The following EIF4G3 variants were observed in gnomAD, a reference collection of about 807,000 sequenced individuals.
EIF4G3 encodes eIF-4-gamma 3.
Under a neutral mutation model 186.4 loss-of-function variants are expected in EIF4G3, and 34 were observed. The observed-to-expected ratio is 0.18, with a 90% CI of 0.14 to 0.24. The LOEUF is 0.24. Ranked by LOEUF, EIF4G3 falls within the 10% of genes least tolerant of loss-of-function variation. The probability of loss-of-function intolerance (pLI) is 1.00; values close to 1 mark genes in which losing one functional copy is unlikely to be tolerated. For missense variants in EIF4G3, 1,536 were observed against 1,948.5 expected (o/e 0.79, Z 3.99); for synonymous variants, 673 against 679.5 (o/e 0.99, Z 0.15).
chr1:21,157,376 GTTTTT>G (rs112805240), intron 2 of EIF4G3, among the ~76,000 whole-genome samples: 1 of 149,704 alleles, frequency 6.7e-6, no homozygotes, highest in Non-Finnish European at 1.5e-5. Context: ...TTTTTTGTTT[GTTTTT>G]TTTTAAGAGA....
chr1:21,056,421 C>T (rs1292286566), intron 3 of EIF4G3, among the ~76,000 whole-genome samples: 1 of 152,172 alleles, frequency 6.6e-6, no homozygotes, highest in Non-Finnish European at 1.5e-5. Context: ...TCCATATTCG[C>T]TTTTAGTGTA....
intron 33 of EIF4G3, among the ~76,000 whole-genome samples, chr1:20,819,069 A>C (rs1314898295): frequency 6.6e-6 from 1 of 152,146 alleles, no homozygotes; most frequent in Non-Finnish European, 1.5e-5. Context: ...ACCCAGCTCC[A>C]TAAGATTTTA....
At chr1:20,891,512 C>T (rs867627564) in intron 18 of EIF4G3, among the ~76,000 whole-genome samples, 1 of 151,886 alleles carries the variant, frequency 6.6e-6, no homozygotes, top group Admixed American at 6.6e-5. Flanking sequence ...GTGGCTCACG[C>T]CTGTCATCCC....
intron 14 of EIF4G3, among the ~76,000 whole-genome samples, chr1:20,923,375 G>A (rs1470065627): frequency 2.0e-5 from 3 of 151,980 alleles, no homozygotes; most frequent in Admixed American, 6.6e-5. Context: ...ATATCTTCTA[G>A]GCCTCTGTTT....
rs1290279316 is a variant in EIF4G3 at position 20,854,020 on chromosome 1, T to C, written c.3434-343A>G. On this transcript the variant is annotated intron_variant, in intron 26 of 36. Coordinates refer to ENST00000602326, the MANE Select transcript of EIF4G3 (RefSeq NM_001391906.1). Reference sequence around the variant, plus strand: ...TGCTCCAATCTCATTTGTGCACAAATATGCATGTGGGTTTTACTGAATAAT... The same window carrying C: ...TGCTCCAATCTCATTTGTGCACAAACATGCATGTGGGTTTTACTGAATAAT... 3.9e-5 allele frequency among the ~76,000 whole-genome samples: 6 copies of C among 152,144 alleles called. No homozygotes were observed. The East Asian group carries it at 1.2e-3, about 29-fold the overall frequency.
rs1285165901 is a variant in EIF4G3 at position 21,038,493 on chromosome 1, A to C, written c.-67+12373T>G. On this transcript the variant is annotated intron_variant, in intron 4 of 36. Coordinates refer to ENST00000602326, the MANE Select transcript of EIF4G3 (RefSeq NM_001391906.1). Reference sequence around the variant, plus strand: ...TTCCCCTCATTTCTCCCACCTTTACATAGTCTCTGGTTTCCTGTCAGTTTC... The same window carrying C: ...TTCCCCTCATTTCTCCCACCTTTACCTAGTCTCTGGTTTCCTGTCAGTTTC... 1.3e-5 allele frequency among the ~76,000 whole-genome samples: 2 copies of C among 152,130 alleles called. 1 individual carries two copies. Among genetic ancestry groups the C allele is most frequent in the South Asian group, 4.1e-4 (2 of 4,822 alleles).
intron 8 of EIF4G3, 76 bp from the exon 9 acceptor site, chr1:20,981,303 C>T (rs1411888917): frequency 5.4e-6 from 5 of 932,110 alleles, no homozygotes; most frequent in African/African-American, 1.7e-5. Flanking sequence ...GTCTCCTTTT[C>T]TTCACTAATA....
intron 16 of EIF4G3, among the ~76,000 whole-genome samples, chr1:20,897,527 A>T (rs1572383921): frequency 1.3e-5 from 2 of 152,026 alleles, no homozygotes; most frequent in Middle Eastern, 6.8e-3. Flanking sequence ...ATCTAAAAAA[A>T]AATCACAGTT....
intron 35 of EIF4G3, among the ~76,000 whole-genome samples, chr1:20,812,584 A>ATGT (rs1290269027): frequency 6.6e-6 from 1 of 152,124 alleles, no homozygotes; most frequent in Non-Finnish European, 1.5e-5. Flanking sequence ...AACTAAAGAG[A>ATGT]TGTCTTCATT....
At chr1:21,161,275 G>A (rs1449109001) in intron 2 of EIF4G3, among the ~76,000 whole-genome samples, 5 of 151,980 alleles carry the variant, frequency 3.3e-5, no homozygotes, top group African/African-American at 7.3e-5. Context: ...AGGCCGAGGC[G>A]GGTGGATCAC....
rs1281630009 is a variant in EIF4G3 at position 20,942,468 on chromosome 1, G to A, written c.824-138C>T. ...CAATATATTAGACTTATTCTGGTAT[G>A]CCAAAAACATTGTCTCTTTTCTTTT... On this transcript the variant is annotated intron_variant, in intron 13 of 36. Coordinates refer to ENST00000602326, the MANE Select transcript of EIF4G3 (RefSeq NM_001391906.1). 6.9e-6 allele frequency: 5 copies of A among 725,466 alleles called. No homozygotes were observed. In the African/African-American group the frequency reaches 7.2e-5, roughly 10 times the overall value. The allele number at this position is 725,466 out of a possible 1,614,324, so 44.9% of individuals were successfully genotyped here. A position where few individuals can be genotyped will look rare whatever the true frequency, so the allele number is the denominator to read the frequency against.
chr1:20,941,898 C>G lies in EIF4G3; in HGVS notation c.1256G>C (p.Ser419Thr). ...GCTCTCCGTGGCTGATAATTTTTCG[C>G]TAACTCCATTTATTTCATTAATTAG... Reference protein sequence around the residue: ...TNLINEINGVSEKLSATESIV... With the variant: ...TNLINEINGVTEKLSATESIV... Residue 419 changes from serine (S) to threonine (T), a missense_variant, in exon 14 of 37, where the codon AGC becomes ACC. Ser to Thr is a moderately conservative substitution (Grantham distance 58). Around this residue, in one of 11 missense-constraint regions of EIF4G3, gnomAD observed 560 missense variants for 547.8 expected, o/e 1.02. Transcript: ENST00000602326. The G allele has an allele frequency of 6.2e-7, 1 of 1,614,184 alleles. No homozygotes were observed.
chr1:20,926,411 A>G (rs528650170), intron 14 of EIF4G3, among the ~76,000 whole-genome samples: 2 of 152,332 alleles, frequency 1.3e-5, no homozygotes, highest in East Asian at 3.9e-4. Context: ...CAGGCATGGT[A>G]GCTCATGCCT....
chr1:20,983,552 CTT>C (rs386629334), intron 7 of EIF4G3, among the ~76,000 whole-genome samples: 2 of 128,962 alleles, frequency 1.6e-5, no homozygotes, highest in East Asian at 2.1e-4. Context: ...CAGGAACAAA[CTT>C]AAGTATTTTT....
intron 19 of EIF4G3, among the ~76,000 whole-genome samples, chr1:20,883,340 C>CG (rs1294668633): frequency 1.3e-5 from 2 of 151,932 alleles, no homozygotes; most frequent in South Asian, 2.1e-4. Flanking sequence ...AAATGAGGGC[C>CG]GGGGGTGGTG....
intron 36 of EIF4G3, among the ~76,000 whole-genome samples, chr1:20,809,980 T>C (rs1207494088): frequency 6.6e-6 from 1 of 152,168 alleles, no homozygotes; most frequent in African/African-American, 2.4e-5. Context: ...AAATTCATTT[T>C]TTTTTTTTTG....
At chr1:20,952,925 A>C (rs1486914619) in intron 12 of EIF4G3, among the ~76,000 whole-genome samples, 3 of 152,238 alleles carry the variant, frequency 2.0e-5, no homozygotes, top group African/African-American at 7.2e-5. Flanking sequence ...CAAAGAAAAA[A>C]TAATGATGAA....
chr1:21,020,781 A>G (rs930707412), intron 4 of EIF4G3, among the ~76,000 whole-genome samples: 3 of 152,198 alleles, frequency 2.0e-5, no homozygotes, highest in African/African-American at 7.2e-5. Flanking sequence ...AAGTCCTGTG[A>G]TTTTTACTGA....
intron 4 of EIF4G3, among the ~76,000 whole-genome samples, chr1:21,033,531 G>A (rs529924681): frequency 1.3e-5 from 2 of 152,212 alleles, no homozygotes; most frequent in South Asian, 4.1e-4. Flanking sequence ...AGCATCCTAT[G>A]ATGCAGGCAC....
Sources: allele counts gnomAD v4.1 joint callset (sites outside exome capture counted in the v4.1 genomes callset), GRCh38; gene constraint gnomAD v4.1.1; regional missense constraint gnomAD v4.1.1; transcripts MANE v1.5; gene names NCBI Gene and HGNC (gene_info 2026-07-23, HGNC 2026-07-21).